Variants in RABEP2 observed in about 807,000 individuals in gnomAD.
The protein encoded by RABEP2 is rab GTPase-binding effector protein 2.
In RABEP2, 57 loss-of-function variants were observed where a neutral mutation model predicts 74.1. That is an observed-to-expected ratio of 0.77 (90% CI 0.62 to 0.96). RABEP2 has a LOEUF of 0.96. Among genes scored for constraint, RABEP2 ranks in the 40% least tolerant of loss-of-function variants. The probability of loss-of-function intolerance (pLI) is 0.00; values close to 1 mark genes in which losing one functional copy is unlikely to be tolerated. For missense variants in RABEP2, 692 were observed against 756.3 expected (o/e 0.91, Z 1.00); for synonymous variants, 351 against 344.0 (o/e 1.02, Z -0.23).
chr16:28,911,199 C>T lies in RABEP2; in HGVS notation c.895-20G>A. 6.2e-7 allele frequency: 1 copy of T among 1,602,974 alleles called. No individual in the cohort carries two copies. Among genetic ancestry groups the T allele is most frequent in the Non-Finnish European group, 8.5e-7 (1 of 1,178,476 alleles). The stretch of plus-strand genomic sequence containing the variant: ...TCGGCCCTGCCACAGACCCTGCCTT[C>T]AGCCTGCATCTCCCAGGAACTTGGC... On this transcript the variant is annotated intron_variant, in intron 5 of 12. Coordinates refer to ENST00000358201, the MANE Select transcript of RABEP2 (RefSeq NM_024816.3).
Position 28,905,456 on chromosome 16 carries a change from C to A in RABEP2, c.1549G>T (p.Glu517Ter). ...QRAKVLRLQA[E>*]LETSEQVQRD... ...TGCACCTGCTCACTGGTCTCCAGCT[C>A]TGCCTGCAGCCGCAGCACCTTGGCC... is the stretch of plus-strand genomic sequence containing the variant. The change falls in exon 12 of 13, where the codon GAG (glutamate) becomes TAG (stop). Residue 517 changes from glutamate to a stop codon, truncating the protein, a stop_gained. Transcript: ENST00000358201. LOFTEE classifies it high-confidence loss of function. The A allele has an allele frequency of 6.2e-7, 1 of 1,608,354 alleles. No homozygotes were observed. The highest frequency in any genetic ancestry group is 8.5e-7 in the Non-Finnish European group (1 of 1,178,248).
At chr16:28,913,111 C>T (rs887876119) in intron 5 of RABEP2, among the ~76,000 whole-genome samples, 4 of 151,964 alleles carry the variant, frequency 2.6e-5, no homozygotes, top group African/African-American at 4.8e-5. Flanking sequence ...TACAGGCATG[C>T]GCCACCATGC....
intron 3 of RABEP2, among the ~76,000 whole-genome samples, chr16:28,916,859 C>T (rs1037433351): frequency 6.6e-6 from 1 of 151,346 alleles, no homozygotes; most frequent in Non-Finnish European, 1.5e-5. Context: ...TGGTGCGCGC[C>T]TGTAATCCCA....
chr16:28,915,390 A>G (rs1329162519), intron 3 of RABEP2, among the ~76,000 whole-genome samples: 1 of 151,296 alleles, frequency 6.6e-6, no homozygotes, highest in Non-Finnish European at 1.5e-5. Context: ...CACACTTCAC[A>G]TTGTTAGTTG....
At chr16:28,924,307 C>T (rs188780743) in intron 2 of RABEP2, 96 bp downstream of exon 2, 3 of 1,270,830 alleles carry the variant, frequency 2.4e-6, no homozygotes, top group Non-Finnish European at 2.2e-6. Flanking sequence ...GCCCTGCTAA[C>T]CTATCCCATA....
chr16:28,905,693 C>T lies in RABEP2; in HGVS notation c.1491+11G>A, dbSNP rs763062617. ...TCCCTCTCCTCCCAGTCCCCCTGCCCTCCCCCTCACCTTGCTCTGTTCCTG... is the reference window on the plus strand; with the variant it reads ...TCCCTCTCCTCCCAGTCCCCCTGCCTTCCCCCTCACCTTGCTCTGTTCCTG... On this transcript the variant is annotated intron_variant, in intron 11 of 12. Coordinates refer to ENST00000358201, the MANE Select transcript of RABEP2 (RefSeq NM_024816.3). The T allele has an allele frequency of 2.5e-6, 4 of 1,613,612 alleles. No homozygotes were observed. The highest frequency in any genetic ancestry group is 4.5e-5 in the East Asian group (2 of 44,864).
chr16:28,916,699 T>A (rs1468700842), intron 3 of RABEP2, among the ~76,000 whole-genome samples: 3 of 134,088 alleles, frequency 2.2e-5, no homozygotes, highest in African/African-American at 8.3e-5. Flanking sequence ...AAAAAAAAAA[T>A]TTCTGGCCAA....
chr16:28,909,946 G>A (rs1964288085), intron 7 of RABEP2, among the ~76,000 whole-genome samples: 1 of 149,468 alleles, frequency 6.7e-6, no homozygotes, highest in Non-Finnish European at 1.5e-5. Flanking sequence ...GGAGAATGGC[G>A]TGAATCTGGG....
rs1378909103 is a variant in RABEP2 at position 28,905,780 on chromosome 16, G to GC, written c.1436-22_1436-21insG. On this transcript the variant is annotated intron_variant, in intron 10 of 12. Coordinates refer to ENST00000358201, the MANE Select transcript of RABEP2 (RefSeq NM_024816.3). ...GGAGGCTGGGAAGTCAGGGCAGGGG[G>GC]AGACGTCAGGGCCATGCCCTCTCCC... is the stretch of plus-strand genomic sequence containing the variant. 4 of 1,613,938 alleles carry GC rather than the reference G, an allele frequency of 2.5e-6. No individual in the cohort carries two copies. The South Asian group carries it at 4.4e-5, about 18-fold the overall frequency.
At chr16:28,908,092 G>A (rs1053195449) in intron 8 of RABEP2, among the ~76,000 whole-genome samples, 4 of 152,242 alleles carry the variant, frequency 2.6e-5, no homozygotes, top group African/African-American at 9.6e-5. Flanking sequence ...GAGCCACCGC[G>A]CCTAGCCCTG....
chr16:28,921,015 T>A (rs1964462564), intron 2 of RABEP2: 4 of 361,652 alleles, frequency 1.1e-5, no homozygotes, highest in Admixed American at 6.6e-5. Context: ...AGGCACAAAC[T>A]AGCATGCCTG....
At chr16:28,919,707 T>C (rs1224028566) in intron 3 of RABEP2, 79 bp downstream of exon 3, 2 of 1,489,950 alleles carry the variant, frequency 1.3e-6, no homozygotes, top group Non-Finnish European at 1.8e-6. Flanking sequence ...CCGCACCCCA[T>C]GACCAGGGAA....
At chr16:28,920,288 CAGA>C (rs1964453159) in intron 2 of RABEP2, among the ~76,000 whole-genome samples, 1 of 151,732 alleles carries the variant, frequency 6.6e-6, no homozygotes, top group Admixed American at 6.6e-5. Context: ...CTCAGGCACA[CAGA>C]AGATGTGACA....
chr16:28,921,533 G>A (rs1964467797), intron 2 of RABEP2, among the ~76,000 whole-genome samples: 1 of 151,856 alleles, frequency 6.6e-6, no homozygotes, highest in Admixed American at 6.6e-5. Flanking sequence ...CCCAAGGAGA[G>A]ACACTGGAAA....
Position 28,904,717 on chromosome 16 carries a change from G to A in RABEP2, c.*226C>T, listed in dbSNP as rs755119761. 11 of 642,436 alleles carry A rather than the reference G, an allele frequency of 1.7e-5. No homozygotes were observed. The highest frequency in any genetic ancestry group is 3.0e-5 in the East Asian group (1 of 33,880). The allele number at this position is 642,436 out of a possible 1,614,324, so 39.8% of individuals were successfully genotyped here. A position where few individuals can be genotyped will look rare whatever the true frequency, so the allele number is the denominator to read the frequency against. Reference sequence around the variant, plus strand: ...GGCCTGAGCCTGCACCTTTGGTTCCGGGAGGGGCTTGGGCCCCTCACCCAG... The same window carrying A: ...GGCCTGAGCCTGCACCTTTGGTTCCAGGAGGGGCTTGGGCCCCTCACCCAG... On this transcript the variant is annotated 3_prime_UTR_variant, in exon 13 of 13. Transcript: ENST00000358201.
chr16:28,911,033 G>T, intron 6 of RABEP2, 47 bp from the exon 7 acceptor site: 1 of 1,610,154 alleles, frequency 6.2e-7, no homozygotes. Context: ...ATGTCAGGGG[G>T]CGGCAGGTAG....
intron 12 of RABEP2, 53 bp from the exon 13 acceptor site, chr16:28,905,097 T>C (rs995029415): frequency 1.4e-6 from 2 of 1,458,144 alleles, no homozygotes; most frequent in East Asian, 2.3e-5. Flanking sequence ...ACGCAGCCCC[T>C]ACCCCACCTG....
chr16:28,921,330 C>A, intron 2 of RABEP2: 1 of 432,742 alleles, frequency 2.3e-6, no homozygotes, highest in Non-Finnish European at 4.7e-6. Context: ...CAGGAGAGGA[C>A]CCTTCCTGGG....
Position 28,905,851 on chromosome 16 carries a change from T to G in RABEP2, c.1435+16A>C, listed in dbSNP as rs757943386. On this transcript the variant is annotated intron_variant, in intron 10 of 12. Coordinates refer to ENST00000358201, the MANE Select transcript of RABEP2 (RefSeq NM_024816.3). ...AGGGTGGGCGATCCCCAAGATCACC[T>G]CCAGCACACACTCACCCTCCAGCAC... 6 of 1,613,804 alleles carry G rather than the reference T, an allele frequency of 3.7e-6. No homozygotes were observed. The highest frequency in any genetic ancestry group is 1.7e-6 in the Non-Finnish European group (2 of 1,179,966).
Sources: allele counts gnomAD v4.1 joint callset (sites outside exome capture counted in the v4.1 genomes callset), GRCh38; gene constraint gnomAD v4.1.1; transcripts MANE v1.5; gene names NCBI Gene and HGNC (gene_info 2026-07-23, HGNC 2026-07-21).